TTC6: variants seen among roughly 807,000 people sequenced by gnomAD.
TTC6 encodes the protein tetratricopeptide repeat domain 6.
In TTC6, 172 loss-of-function variants were observed where a neutral mutation model predicts 210.4. The observed-to-expected ratio is 0.82, with a 90% CI of 0.72 to 0.93. The LOEUF (loss-of-function observed/expected upper bound fraction) is 0.93. Among genes scored for constraint, TTC6 ranks in the 40% least tolerant of loss-of-function variants. TTC6 has a pLI of 0.00. For synonymous variants in TTC6, 804 were observed against 819.6 expected, an observed-to-expected ratio of 0.98 and a Z score of 0.32; for missense variants, 2,414 against 2,318.1, an observed-to-expected ratio of 1.04 and a Z score of -0.85.
Position 37,787,466 on chromosome 14 carries a change from A to G in TTC6, c.3267-2A>G, listed in dbSNP as rs1184827755. ...TTGTTAAAACAAACTTTTTTTTCCT[A>G]GGACATACCGAGGGATTGCATATGT... is the stretch of plus-strand genomic sequence containing the variant. On this transcript the variant is annotated splice_acceptor_variant, in intron 14 of 30. Coordinates refer to ENST00000553443, the Ensembl canonical transcript of TTC6. LOFTEE classifies it high-confidence loss of function. 5 of 1,508,372 alleles carry G rather than the reference A, an allele frequency of 3.3e-6. No homozygotes were observed. In the South Asian group the frequency reaches 6.2e-5, roughly 19 times the overall value. 93.4% of individuals were successfully genotyped at this position (1,508,372 alleles called of 1,614,324 possible).
At chr14:37,650,332 A>AT (rs1448365291) in intron 1 of TTC6, among the ~76,000 whole-genome samples, 2 of 152,100 alleles carry the variant, frequency 1.3e-5, no homozygotes, top group Non-Finnish European at 2.9e-5. Flanking sequence ...CTTTTGTTTC[A>AT]TTTTTTGTAA....
In TTC6 at chr14:37,771,343, G is replaced by A. The variant is rs915261672; in HGVS notation, c.3267-16125G>A. On this transcript the variant is annotated intron_variant, in intron 14 of 30. Transcript: ENST00000553443. ...TTCTCTGTATTTCCTGAATCTGAAC[G>A]TTGGCCTACCTTGCTAGACTGGGGA... Among the ~76,000 whole-genome samples, 14 of 151,724 alleles carry A rather than the reference G, an allele frequency of 9.2e-5. No homozygotes were observed. In the East Asian group the frequency reaches 1.8e-3, roughly 19 times the overall value.
At chr14:37,789,554 C>T (rs897139975) in intron 15 of TTC6, among the ~76,000 whole-genome samples, 5 of 145,502 alleles carry the variant, frequency 3.4e-5, no homozygotes, top group African/African-American at 5.1e-5. Flanking sequence ...GTAGGGGAAA[C>T]GATTGATATT....
chr14:37,604,241 T>A (rs1473802268), intron 1 of TTC6, among the ~76,000 whole-genome samples: 2 of 152,152 alleles, frequency 1.3e-5, no homozygotes, highest in East Asian at 3.9e-4. Flanking sequence ...AATTTCCTAA[T>A]TTCCTTGACT....
chr14:37,624,856 C>T (rs569273321), intron 1 of TTC6, among the ~76,000 whole-genome samples: 15 of 152,034 alleles, frequency 9.9e-5, no homozygotes, highest in Non-Finnish European at 1.6e-4. Flanking sequence ...CTCCTGACCT[C>T]GTGATCCGCC....
At chr14:37,672,868 AG>A (rs2095761224) in intron 1 of TTC6, among the ~76,000 whole-genome samples, 2 of 137,316 alleles carry the variant, frequency 1.5e-5, no homozygotes, top group Admixed American at 1.5e-4. Context: ...TTTCTTCTAT[AG>A]GGTAGCTATC....
intron 14 of TTC6, among the ~76,000 whole-genome samples, chr14:37,760,239 T>C (rs1275572482): frequency 6.6e-6 from 1 of 152,026 alleles, no homozygotes; most frequent in Non-Finnish European, 1.5e-5. Context: ...TGTTAGCTTT[T>C]CTTCTAAGAG....
chr14:37,799,690 G>A (rs1014910723), intron 20 of TTC6, among the ~76,000 whole-genome samples: 4 of 152,150 alleles, frequency 2.6e-5, no homozygotes, highest in African/African-American at 9.7e-5. Context: ...GGGAACTGCT[G>A]TGGCCTTGAG....
At chr14:37,685,926 G>A (rs35802121) in intron 3 of TTC6, among the ~76,000 whole-genome samples, 8,732 of 152,214 alleles carry the variant, frequency 0.057, 387 homozygotes, top group Non-Finnish European at 0.09. Flanking sequence ...ATTATTAAAT[G>A]ACTCATTAAA....
exon 10 of TTC6, chr14:37,739,099 A>G (rs1449945951): frequency 6.5e-6 from 10 of 1,529,086 alleles, no homozygotes; most frequent in Non-Finnish European, 3.5e-6. Context: ...GATTGAAACA[A>G]CAAAAACTTA....
At chr14:37,779,357 C>T (rs2096047671) in intron 14 of TTC6, among the ~76,000 whole-genome samples, 1 of 128,858 alleles carries the variant, frequency 7.8e-6, no homozygotes, top group African/African-American at 2.8e-5. Flanking sequence ...GACTAGTTGG[C>T]CTGCTTAGAA....
chr14:37,792,438 A>AT (rs1261610048), intron 17 of TTC6, 24 bp downstream of exon 19: 8 of 1,440,812 alleles, frequency 5.6e-6, no homozygotes, highest in Admixed American at 3.1e-5. Context: ...GAGAACCTTG[A>AT]TTTTTTTAAA....
chr14:37,599,518 G>A (rs577453613), intron 1 of TTC6, among the ~76,000 whole-genome samples: 1 of 152,282 alleles, frequency 6.6e-6, no homozygotes, highest in South Asian at 2.1e-4. Context: ...CAGCCACTGG[G>A]TTTGTCTTTT....
intron 29 of TTC6, 113 bp from the exon 32 acceptor site, chr14:37,841,332 G>A (rs11629163): frequency 0.93 from 818,770 of 882,270 alleles, 381,184 homozygotes; most frequent in Non-Finnish European, 0.95. Flanking sequence ...AAATGCTTCT[G>A]TTGACCTCTT....
intron 1 of TTC6, among the ~76,000 whole-genome samples, chr14:37,665,982 A>G (rs1045364698): frequency 3.3e-5 from 5 of 150,636 alleles, no homozygotes; most frequent in Admixed American, 1.3e-4. Flanking sequence ...AGTTTACCCT[A>G]TGGGAGCTAA....
chr14:37,603,543 G>T (rs2095619704), intron 1 of TTC6, among the ~76,000 whole-genome samples: 1 of 152,190 alleles, frequency 6.6e-6, no homozygotes, highest in African/African-American at 2.4e-5. Context: ...CCAGGTTTGT[G>T]GTATACGGTT....
At chr14:37,657,038 C>T (rs1418939062) in intron 1 of TTC6, among the ~76,000 whole-genome samples, 11 of 151,812 alleles carry the variant, frequency 7.2e-5, no homozygotes, top group Middle Eastern at 3.4e-3. Context: ...GGCGAAACCC[C>T]GTCTCTATTA....
intron 14 of TTC6, among the ~76,000 whole-genome samples, chr14:37,767,560 AC>A (rs1243259969): frequency 7.2e-5 from 11 of 152,080 alleles, no homozygotes; most frequent in Non-Finnish European, 1.6e-4. Context: ...GTGATGATGA[AC>A]ATTTTTTCAT....
chr14:37,796,781 T>C lies in TTC6; in HGVS notation c.3869-6T>C, dbSNP rs1275931538. On this transcript the variant is annotated splice_region_variant and splice_polypyrimidine_tract_variant and intron_variant, in intron 19 of 30. Coordinates refer to ENST00000553443, the Ensembl canonical transcript of TTC6. The stretch of plus-strand genomic sequence containing the variant: ...AAGATATTGATAAACTTTCCTTCCC[T>C]TTTAGGTCTCAGTGAGTTGAGTCCT... The C allele has an allele frequency of 6.3e-7, 1 of 1,594,658 alleles. No individual in the cohort carries two copies. The highest frequency in any genetic ancestry group is 1.8e-5 in the Admixed American group (1 of 56,282).
Sources: allele counts gnomAD v4.1 joint callset (sites outside exome capture counted in the v4.1 genomes callset), GRCh38; gene constraint gnomAD v4.1.1; transcripts MANE v1.5; gene names NCBI Gene and HGNC (gene_info 2026-07-23, HGNC 2026-07-21).